Variants in ATP8B4 observed in about 807,000 individuals in gnomAD.
ATP8B4 encodes the protein probable phospholipid-transporting ATPase IM.
Under a neutral mutation model 145.6 loss-of-function variants are expected in ATP8B4, and 133 were observed. The observed-to-expected ratio is 0.91, with a 90% CI of 0.79 to 1.05. The LOEUF (loss-of-function observed/expected upper bound fraction) is 1.05. Ranked by LOEUF, ATP8B4 falls within the 50% of genes least tolerant of loss-of-function variation. The probability of loss-of-function intolerance (pLI) is 0.00; values close to 1 mark genes in which losing one functional copy is unlikely to be tolerated. For missense variants in ATP8B4, 1,458 were observed against 1,425.2 expected, an observed-to-expected ratio of 1.02 and a Z score of -0.37; for synonymous variants, 507 against 492.9, an observed-to-expected ratio of 1.03 and a Z score of -0.38.
chr15:49,863,856 T>A (rs1224716452), intron 26 of ATP8B4, among the ~76,000 whole-genome samples: 1 of 152,160 alleles, frequency 6.6e-6, no homozygotes, highest in Non-Finnish European at 1.5e-5. Context: ...ATCTAACTTT[T>A]AAAAAATTTC....
chr15:50,157,737 TCCTCTC>T (rs145471795), intron 1 of ATP8B4, among the ~76,000 whole-genome samples: 85,007 of 151,124 alleles, frequency 0.56, 24,571 homozygotes, highest in East Asian at 0.93. Context: ...TTCTTCTTCT[TCCTCTC>T]CCTCTCCCTC....
chr15:50,118,667 C>T (rs1644038889), intron 1 of ATP8B4, among the ~76,000 whole-genome samples: 1 of 152,124 alleles, frequency 6.6e-6, no homozygotes, highest in Non-Finnish European at 1.5e-5. Flanking sequence ...AAACATAACC[C>T]TCAAACCTCA....
rs555015975 is a variant in ATP8B4 at position 50,016,307 on chromosome 15, A to G, written c.363-5390T>C. ...ATAGATGGCTATAGATTATGAAGAC[A>G]CAGGAATTCAGAAGAAAATGATTTC... On this transcript the variant is annotated intron_variant, in intron 6 of 27. Coordinates refer to ENST00000284509, the MANE Select transcript of ATP8B4 (RefSeq NM_024837.4). 9.8e-5 allele frequency among the ~76,000 whole-genome samples: 15 copies of G among 152,342 alleles called. No individual in the cohort carries two copies. In the South Asian group the frequency reaches 3.1e-3, roughly 32 times the overall value.
At chr15:49,943,867 T>C (rs967620110) in intron 14 of ATP8B4, among the ~76,000 whole-genome samples, 14 of 152,210 alleles carry the variant, frequency 9.2e-5, no homozygotes, top group African/African-American at 3.1e-4. Flanking sequence ...TTCATTCAAA[T>C]ATAAAAGCTG....
intron 1 of ATP8B4, among the ~76,000 whole-genome samples, chr15:50,151,296 T>C (rs2044344015): frequency 6.6e-6 from 1 of 152,212 alleles, no homozygotes; most frequent in Non-Finnish European, 1.5e-5. Flanking sequence ...TTTCTATACA[T>C]ATTAATCACA....
chr15:50,149,690 T>TA (rs2044322821), intron 1 of ATP8B4, among the ~76,000 whole-genome samples: 1 of 152,164 alleles, frequency 6.6e-6, no homozygotes, highest in Admixed American at 6.5e-5. Context: ...TCTCTAAAAA[T>TA]AAATGATATG....
chr15:49,943,713 C>A (rs1342136770), intron 14 of ATP8B4, among the ~76,000 whole-genome samples: 1 of 152,014 alleles, frequency 6.6e-6, no homozygotes, highest in Non-Finnish European at 1.5e-5. Context: ...ACAAGAAATG[C>A]CAAAGGGAGT....
At chr15:50,087,226 T>C (rs1256740389) in intron 2 of ATP8B4, among the ~76,000 whole-genome samples, 1 of 132,500 alleles carries the variant, frequency 7.5e-6, no homozygotes. Flanking sequence ...TATAGATCTA[T>C]ATTTATTATA....
At position 49,876,277 on chromosome 15, in the gene ATP8B4, C is replaced by T; in HGVS notation, c.3027+1G>A. ...TAAGGTGCTTACACCGACAGCGTTA[C>T]CTGCACACTGACCACAATGACCAAA... is the stretch of plus-strand genomic sequence containing the variant. On this transcript the variant is annotated splice_donor_variant, in intron 25 of 27. Coordinates refer to ENST00000284509, the MANE Select transcript of ATP8B4 (RefSeq NM_024837.4). LOFTEE classifies it high-confidence loss of function. The T allele has an allele frequency of 6.2e-7, 1 of 1,613,918 alleles. No individual in the cohort carries two copies. The highest frequency in any genetic ancestry group is 8.5e-7 in the Non-Finnish European group (1 of 1,179,848).
Position 50,012,687 on chromosome 15 carries a change from A to AC in ATP8B4, c.363-1771_363-1770insG, listed in dbSNP as rs1319836311. On this transcript the variant is annotated intron_variant, in intron 6 of 27. Transcript: ENST00000284509. ...AACTGAACGAAGAGTAAGAAAAAGA[A>AC]GCACAAAATAGGTTATTTTAAAGAG... Among the ~76,000 whole-genome samples the AC allele has an allele frequency of 3.5e-4, 53 of 152,306 alleles. 1 individual carries two copies. Among genetic ancestry groups the AC allele is most frequent in the African/African-American group, 1.3e-3 (53 of 41,572 alleles).
rs577593819 is a variant in ATP8B4, at chr15:49,917,087, T to C, written c.2036-48A>G. 8.9e-6 allele frequency: 14 copies of C among 1,567,168 alleles called. No individual in the cohort carries two copies. The Admixed American group carries it at 1.7e-4, about 19-fold the overall frequency. ...TCAGTTAAAATGTTACTTAATAACC[T>C]AAGTCCATTTTTAATGAAAGTTTTG... On this transcript the variant is annotated intron_variant, in intron 19 of 27. Coordinates refer to ENST00000284509, the MANE Select transcript of ATP8B4 (RefSeq NM_024837.4).
chr15:50,168,878 G>A (rs912772698), intron 1 of ATP8B4, among the ~76,000 whole-genome samples: 1 of 152,192 alleles, frequency 6.6e-6, no homozygotes, highest in African/African-American at 2.4e-5. Flanking sequence ...CAGGTGGCCT[G>A]GGAGCTGGGT....
chr15:50,138,764 C>G (rs1422823061), intron 1 of ATP8B4, among the ~76,000 whole-genome samples: 1 of 152,150 alleles, frequency 6.6e-6, no homozygotes, highest in Non-Finnish European at 1.5e-5. Flanking sequence ...CTTTTTCTCC[C>G]TTTATTGTTC....
At chr15:49,999,888 T>C (rs1347757628) in intron 8 of ATP8B4, among the ~76,000 whole-genome samples, 1 of 152,136 alleles carries the variant, frequency 6.6e-6, no homozygotes, top group Non-Finnish European at 1.5e-5. Context: ...TACTAATCTG[T>C]TCTCTATTTC....
intron 7 of ATP8B4, among the ~76,000 whole-genome samples, chr15:50,010,210 T>C (rs542091928): frequency 6.6e-6 from 1 of 152,258 alleles, no homozygotes; most frequent in Non-Finnish European, 1.5e-5. Flanking sequence ...TCAATAACTT[T>C]TGTTACCTTA....
chr15:50,114,103 C>CTTTTTTTTGTTTTTTTTTTT (rs2057081669), intron 1 of ATP8B4, among the ~76,000 whole-genome samples: 1 of 55,642 alleles, frequency 1.8e-5, no homozygotes, highest in Non-Finnish European at 3.1e-5. Flanking sequence ...CTCCTAGTTT[C>CTTTTTTTTGTTTTTTTTTTT]TTTTTTTTTT....
In ATP8B4 at chr15:49,898,063, C is replaced by G. The variant is rs776971080; in HGVS notation, c.2473+5G>C. The G allele has an allele frequency of 6.2e-7, 1 of 1,613,582 alleles. No individual in the cohort carries two copies. Among genetic ancestry groups the G allele is most frequent in the Admixed American group, 1.7e-5 (1 of 59,996 alleles). ...GCATACCCCATTGAGCAAATATCCT[C>G]TTACTTTTAATCATGCTGACATCAT... On this transcript the variant is annotated splice_donor_5th_base_variant and intron_variant, in intron 22 of 27. Coordinates refer to ENST00000284509, the MANE Select transcript of ATP8B4 (RefSeq NM_024837.4).
chr15:49,861,269 C>CTGGGTT (rs1283480603), intron 27 of ATP8B4, among the ~76,000 whole-genome samples: 1 of 152,058 alleles, frequency 6.6e-6, no homozygotes, highest in Non-Finnish European at 1.5e-5. Context: ...CCGCCATTTT[C>CTGGGTT]TGGGTTTATG....
chr15:50,106,839 G>T, intron 2 of ATP8B4, 100 bp downstream of exon 2: 1 of 1,196,104 alleles, frequency 8.4e-7, no homozygotes, highest in Non-Finnish European at 1.2e-6. Flanking sequence ...TGAACACCTA[G>T]ACCTGTGTGC....
Sources: gnomAD v4.1 joint callset for allele counts (sites outside exome capture counted in the v4.1 genomes callset) on GRCh38, gnomAD v4.1.1 for gene constraint, MANE v1.5 for transcripts, NCBI Gene and HGNC (gene_info 2026-07-23, HGNC 2026-07-21) for gene names.